POLA1: variants seen among roughly 807,000 people sequenced by gnomAD.
POLA1 encodes DNA polymerase alpha 1, catalytic subunit.
A neutral mutation model predicts 124.0 loss-of-function variants in POLA1; 15 were observed. The observed-to-expected ratio is 0.12, with a 90% CI of 0.08 to 0.19. The LOEUF (loss-of-function observed/expected upper bound fraction) is 0.19. Ranked by LOEUF, POLA1 falls within the 10% of genes least tolerant of loss-of-function variation. POLA1 has a pLI of 1.00. For synonymous variants in POLA1, 408 were observed against 389.4 expected, an observed-to-expected ratio of 1.05 and a Z score of -0.56; for missense variants, 886 against 1,103.4, an observed-to-expected ratio of 0.80 and a Z score of 2.79.
rs748887194 is a variant in POLA1 at position 24,930,434 on chromosome X, A to G, written c.4165-19A>G. 9 of 1,044,698 alleles carry G rather than the reference A, an allele frequency of 8.6e-6. No homozygotes were observed. Among genetic ancestry groups the G allele is most frequent in the Non-Finnish European group, 1.2e-5 (9 of 743,972 alleles). 86.1% of individuals were successfully genotyped at this position (1,044,698 alleles called of 1,213,427 possible). A position where few individuals can be genotyped will look rare whatever the true frequency, so the allele number is the denominator to read the frequency against. The stretch of plus-strand genomic sequence containing the variant: ...CCCTCCCCAGTAGTAGTATTCATTT[A>G]TTTTCTGTTATATTACAGTATTCTG... On this transcript the variant is annotated intron_variant, in intron 35 of 36. Transcript: ENST00000379068.
At chrX:24,744,826 C>T (rs1931899210) in intron 23 of POLA1, among the ~76,000 whole-genome samples, 1 of 107,865 alleles carries the variant, frequency 9.3e-6, no homozygotes, top group Non-Finnish European at 1.9e-5. Context: ...TGTTGCGCGC[C>T]TGTAGTCCCA....
chrX:24,710,862 C>T (rs757730244), intron 4 of POLA1, among the ~76,000 whole-genome samples: 1 of 110,625 alleles, frequency 9.0e-6, no homozygotes, highest in Non-Finnish European at 1.9e-5. Context: ...GACCGGGTTT[C>T]ACCATGTTGG....
At chrX:24,973,161 G>T (rs778215503) in intron 36 of POLA1, among the ~76,000 whole-genome samples, 74 of 111,575 alleles carry the variant, frequency 6.6e-4, no homozygotes, top group Non-Finnish European at 1.3e-3. Context: ...TTCGAGACCA[G>T]CCATGGCCAA....
intron 35 of POLA1, among the ~76,000 whole-genome samples, chrX:24,912,061 A>G (rs921424973): frequency 8.9e-6 from 1 of 112,643 alleles, no homozygotes; most frequent in Admixed American, 9.4e-5. Context: ...GGAAGAGAAT[A>G]GACTCACAAG....
chrX:24,728,131 T>G (rs1930658169), intron 15 of POLA1, among the ~76,000 whole-genome samples, 195 bp downstream of exon 15: 1 of 112,602 alleles, frequency 8.9e-6, no homozygotes, highest in African/African-American at 3.2e-5. Flanking sequence ...TTGCTGAACT[T>G]ATTTTTATTT....
At chrX:24,766,394 G>A (rs757214398) in intron 26 of POLA1, among the ~76,000 whole-genome samples, 19 of 112,006 alleles carry the variant, frequency 1.7e-4, no homozygotes, top group African/African-American at 6.2e-4. Context: ...TAGGTGCTTC[G>A]TTGGTATTTG....
intron 34 of POLA1, among the ~76,000 whole-genome samples, chrX:24,883,367 TC>T (rs1251893825): frequency 8.9e-6 from 1 of 112,195 alleles, no homozygotes; most frequent in Non-Finnish European, 1.9e-5. Context: ...CAGTTTCAGA[TC>T]TAGATGATTT....
intron 36 of POLA1, among the ~76,000 whole-genome samples, chrX:24,980,616 T>A (rs1302106494): frequency 9.0e-6 from 1 of 111,330 alleles, no homozygotes; most frequent in Non-Finnish European, 1.9e-5. Context: ...TGTTGCCATA[T>A]CTAGTGTAAA....
At chrX:24,934,723 C>T (rs924364910) in intron 36 of POLA1, among the ~76,000 whole-genome samples, 1 of 111,544 alleles carries the variant, frequency 9.0e-6, no homozygotes, top group African/African-American at 3.3e-5. Context: ...AGGTTGGTCT[C>T]TCCCCAACTT....
chrX:24,858,534 C>G (rs1484823657), intron 34 of POLA1, among the ~76,000 whole-genome samples: 1 of 112,154 alleles, frequency 8.9e-6, no homozygotes, highest in Non-Finnish European at 1.9e-5. Flanking sequence ...CCTAGCACTC[C>G]ATGAGCAGGG....
chrX:24,991,508 A>G (rs962189923), intron 36 of POLA1, among the ~76,000 whole-genome samples: 1 of 112,087 alleles, frequency 8.9e-6, no homozygotes, highest in Non-Finnish European at 1.9e-5. Flanking sequence ...CTCTTCCCCA[A>G]ACTTCCACTG....
intron 34 of POLA1, among the ~76,000 whole-genome samples, chrX:24,854,599 G>T: frequency 9.0e-6 from 1 of 111,630 alleles, no homozygotes; most frequent in East Asian, 2.8e-4. Flanking sequence ...GGGAGGCTGA[G>T]CAGGCGGATC....
chrX:24,877,802 T>C (rs748831486), intron 34 of POLA1, among the ~76,000 whole-genome samples: 4 of 111,769 alleles, frequency 3.6e-5, no homozygotes, highest in African/African-American at 9.8e-5. Context: ...CCTACATTCA[T>C]GTAAAACCAA....
At chrX:24,907,919 C>A (rs2047391028) in intron 35 of POLA1, among the ~76,000 whole-genome samples, 1 of 112,103 alleles carries the variant, frequency 8.9e-6, no homozygotes, top group Non-Finnish European at 1.9e-5. Flanking sequence ...ATAGAGACAA[C>A]TACAGCATAA....
At chrX:24,700,226 T>C (rs1243650602) in intron 2 of POLA1, among the ~76,000 whole-genome samples, 1 of 109,557 alleles carries the variant, frequency 9.1e-6, no homozygotes, top group Non-Finnish European at 1.9e-5. Context: ...ATTCTAAGTG[T>C]GTTTACCAAT....
At chrX:24,903,922 C>CTTT (rs1456720507) in intron 35 of POLA1, among the ~76,000 whole-genome samples, 1 of 100,544 alleles carries the variant, frequency 9.9e-6, no homozygotes, top group Non-Finnish European at 2.0e-5. Context: ...TTTTTTTTTT[C>CTTT]TTTTTTCTTT....
intron 34 of POLA1, among the ~76,000 whole-genome samples, chrX:24,867,946 C>CTTTA (rs887907161): frequency 8.9e-6 from 1 of 111,780 alleles, no homozygotes; most frequent in Non-Finnish European, 1.9e-5. Context: ...TAGTAAGAAA[C>CTTTA]TTTATTAACA....
At chrX:24,928,612 C>T (rs944389559) in intron 35 of POLA1, among the ~76,000 whole-genome samples, 5 of 111,847 alleles carry the variant, frequency 4.5e-5, no homozygotes, top group Non-Finnish European at 7.5e-5. Flanking sequence ...CTCATCATCT[C>T]GACACACAAT....
intron 36 of POLA1, among the ~76,000 whole-genome samples, chrX:24,972,482 T>C (rs746335083): frequency 9.0e-6 from 1 of 111,571 alleles, no homozygotes; most frequent in African/African-American, 3.3e-5. Flanking sequence ...ACCACCAACA[T>C]TGGATAGAAT....
Sources: allele counts gnomAD v4.1 joint callset (sites outside exome capture counted in the v4.1 genomes callset), GRCh38; gene constraint gnomAD v4.1.1; transcripts MANE v1.5; gene names NCBI Gene and HGNC (gene_info 2026-07-23, HGNC 2026-07-21).